ZNF544: variants seen among roughly 807,000 people sequenced by gnomAD.
The protein encoded by ZNF544 is zinc finger protein AF020591.
A neutral mutation model predicts 13.5 loss-of-function variants in ZNF544; 10 were observed. The ratio of observed to expected loss-of-function variants is 0.74; its 90% CI spans 0.46 to 1.25. The LOEUF (loss-of-function observed/expected upper bound fraction) is 1.25, where lower values mean the gene tolerates loss of function less well. ZNF544 is among the 50% of genes most tolerant of loss of function. ZNF544 has a pLI of 0.00. For missense variants in ZNF544, 896 were observed against 845.6 expected, an observed-to-expected ratio of 1.06 and a Z score of -0.74; for synonymous variants, 323 against 300.5, an observed-to-expected ratio of 1.07 and a Z score of -0.77.
chr19:58,262,942 T>TGATC lies in ZNF544; in HGVS notation c.*190_*193dup. The TGATC allele has an allele frequency of 2.8e-6, 4 of 1,419,836 alleles. No homozygotes were observed. The highest frequency in any genetic ancestry group is 3.7e-6 in the Non-Finnish European group (4 of 1,091,074). The allele number at this position is 1,419,836 out of a possible 1,614,324, so 88.0% of individuals were successfully genotyped here. A position where few individuals can be genotyped will look rare whatever the true frequency, so the allele number is the denominator to read the frequency against. ...GCATTGATTGTGGGAAAGCCTTCAA[T>TGATC]GATCGCTCAACCCTTAGTAAACACG... On this transcript the variant is annotated 3_prime_UTR_variant, in exon 7 of 7. Coordinates refer to ENST00000687789, the MANE Select transcript of ZNF544 (RefSeq NM_014480.4).
chr19:58,273,153 C>A (rs536487458), intron 5 of ZNF544, among the ~76,000 whole-genome samples: 16 of 151,320 alleles, frequency 1.1e-4, no homozygotes, highest in Non-Finnish European at 2.9e-5. Context: ...TGTACTCCAG[C>A]CTGGGCAACA....
intron 6 of ZNF544, among the ~76,000 whole-genome samples, chr19:58,256,658 T>C (rs942085599): frequency 1.3e-5 from 2 of 152,206 alleles, no homozygotes; most frequent in Non-Finnish European, 2.9e-5. Flanking sequence ...TTGTTATCTC[T>C]TTGAGAAAAA....
rs528591726 is a variant in ZNF544, at chr19:58,244,414, G to T, written c.33+358G>T. Among the ~76,000 whole-genome samples, 3 of 151,990 alleles carry T rather than the reference G, an allele frequency of 2.0e-5. No homozygotes were observed. In the South Asian group the frequency reaches 6.2e-4, roughly 32 times the overall value. On this transcript the variant is annotated intron_variant, in intron 4 of 6. Transcript: ENST00000687789. ...TCAATCCTCACGGACACCCCTGGCT[G>T]GGGGAGTGTCCCCTTAAAGCACTGT...
At chr19:58,268,633 G>A (rs373110935), downstream of ZNF544, among the ~76,000 whole-genome samples, 108 of 152,316 alleles carry the variant, frequency 7.1e-4, 2 homozygotes, top group East Asian at 0.015. Flanking sequence ...GTTGGCTGGA[G>A]CCAGCCTGCA....
At chr19:58,241,499 CTTT>C (rs568335282) in intron 3 of ZNF544, among the ~76,000 whole-genome samples, 10 of 138,930 alleles carry the variant, frequency 7.2e-5, no homozygotes, top group Non-Finnish European at 6.3e-5. Context: ...CATTCCATTT[CTTT>C]TTTTTTTTTT....
intron 5 of ZNF544, among the ~76,000 whole-genome samples, chr19:58,275,642 C>G (rs2051153247): frequency 6.6e-6 from 1 of 151,836 alleles, no homozygotes; most frequent in South Asian, 2.1e-4. Flanking sequence ...AACCCTGTCT[C>G]TACAAAAAAT....
intron 3 of ZNF544, among the ~76,000 whole-genome samples, chr19:58,238,753 A>G (rs1020428628): frequency 3.3e-5 from 5 of 151,998 alleles, no homozygotes; most frequent in Admixed American, 6.6e-5. Context: ...TGACCCCAAC[A>G]GTCTCCCCAT....
intron 5 of ZNF544, among the ~76,000 whole-genome samples, chr19:58,275,197 C>CA (rs1278803518): frequency 2.0e-5 from 3 of 152,110 alleles, no homozygotes; most frequent in Non-Finnish European, 4.4e-5. Flanking sequence ...GGAGCCCCCC[C>CA]ACACTTGTCT....
rs190390597 is a variant in ZNF544, at chr19:58,274,504, T to A, written c.245-1819T>A. ...AAGGAAAGGGATGGAACATATACTT[T>A]CTTGTAGCCCTCAGAAGGAACCAAC... is the stretch of plus-strand genomic sequence containing the variant. On this transcript the variant is annotated intron_variant, in intron 5 of 6. Coordinates refer to the ZNF544 transcript ENST00000595981. Among the ~76,000 whole-genome samples, 14 of 152,262 alleles carry A rather than the reference T, an allele frequency of 9.2e-5. No homozygotes were observed. The East Asian group carries it at 2.7e-3, about 29-fold the overall frequency.
At chr19:58,256,668 A>G (rs1278620724) in intron 6 of ZNF544, among the ~76,000 whole-genome samples, 2 of 152,144 alleles carry the variant, frequency 1.3e-5, no homozygotes, top group Non-Finnish European at 2.9e-5. Flanking sequence ...TTTGAGAAAA[A>G]TCCTGGGAAC....
chr19:58,275,416 A>G (rs538493506), intron 5 of ZNF544, among the ~76,000 whole-genome samples: 5 of 152,224 alleles, frequency 3.3e-5, no homozygotes, highest in African/African-American at 9.6e-5. Context: ...CGATCCCTTG[A>G]AAGGATCTCA....
intron 6 of ZNF544, chr19:58,260,416 A>G (rs1199240511): frequency 6.5e-6 from 1 of 153,464 alleles, no homozygotes; most frequent in Non-Finnish European, 1.4e-5. Flanking sequence ...AGCTTAGACT[A>G]CAGGCGCCCA....
At chr19:58,267,897 C>T (rs1245525034), downstream of ZNF544, among the ~76,000 whole-genome samples, 9 of 151,582 alleles carry the variant, frequency 5.9e-5, no homozygotes, top group Middle Eastern at 3.2e-3. Flanking sequence ...AGGAGAATGG[C>T]GTGAACTCAG....
At chr19:58,258,440 TGTGAGGGTGCTGGGTGC>T (rs2048085974) in intron 6 of ZNF544, 2 of 63,194 alleles carry the variant, frequency 3.2e-5, no homozygotes, top group African/African-American at 1.1e-4. Context: ...GGGCACCAGG[TGTGAGGGTGCTGGGTGC>T]GAGGGCACCA....
In ZNF544 at chr19:58,262,489, G is replaced by C. The variant is rs1397407959; in HGVS notation, c.1883G>C (p.Gly628Ala). Residue 628 changes from glycine to alanine, a missense_variant, in exon 7 of 7, where the codon GGG becomes GCG. Gly to Ala is a moderately conservative substitution (Grantham distance 60). Transcript: ENST00000687789. Reference protein sequence around the residue: ...QLIRHLQIHTGEKPYKCNQCN... With the variant: ...QLIRHLQIHTAEKPYKCNQCN... ...ATCAGGCATCTGCAAATTCACACTG[G>C]GGAGAAGCCGTACAAATGCAATCAG... 1 of 1,614,184 alleles carries C rather than the reference G, an allele frequency of 6.2e-7. No individual in the cohort carries two copies. The highest frequency in any genetic ancestry group is 8.5e-7 in the Non-Finnish European group (1 of 1,180,034).
intron 6 of ZNF544, among the ~76,000 whole-genome samples, chr19:58,248,766 C>CA (rs964177592): frequency 2.6e-5 from 4 of 151,820 alleles, no homozygotes; most frequent in African/African-American, 4.8e-5. Context: ...AAGAATGAAG[C>CA]AAAAAAAGCA....
chr19:58,276,511 A>C, intron 6 of ZNF544: 1 of 898,234 alleles, frequency 1.1e-6, no homozygotes, highest in Non-Finnish European at 1.5e-6. Context: ...TCTGTCGCCC[A>C]GGCTGGAGTG....
At chr19:58,241,803 C>A (rs771514033) in intron 3 of ZNF544, among the ~76,000 whole-genome samples, 21 of 152,136 alleles carry the variant, frequency 1.4e-4, no homozygotes, top group Non-Finnish European at 2.1e-4. Context: ...AGCCTACATT[C>A]CATGTCTTTT....
intron 6 of ZNF544, among the ~76,000 whole-genome samples, chr19:58,256,313 C>G (rs2047352560): frequency 6.6e-6 from 1 of 151,704 alleles, no homozygotes; most frequent in Non-Finnish European, 1.5e-5. Context: ...TTGTTGTACC[C>G]AAGCGAGTTA....
Sources: allele counts gnomAD v4.1 joint callset (sites outside exome capture counted in the v4.1 genomes callset), GRCh38; gene constraint gnomAD v4.1.1; transcripts MANE v1.5; gene names NCBI Gene and HGNC (gene_info 2026-07-23, HGNC 2026-07-21).